Variants in AGMO observed in about 807,000 individuals in gnomAD.
The protein encoded by AGMO is glyceryl-ether monooxygenase.
In AGMO, 75 loss-of-function variants were observed where a neutral mutation model predicts 60.2. The observed-to-expected ratio is 1.25, with a 90% CI of 1.03 to 1.51. AGMO has a LOEUF of 1.51. Ranked by LOEUF, AGMO falls within the 40% of genes most tolerant of loss-of-function variation. AGMO has a pLI of 0.00. For synonymous variants in AGMO, 261 were observed against 177.1 expected (o/e 1.47, Z -3.76); for missense variants, 763 against 525.5 (o/e 1.45, Z -4.42).
intron 12 of AGMO, among the ~76,000 whole-genome samples, chr7:15,211,677 C>T (rs1189478828): frequency 6.6e-6 from 1 of 151,920 alleles, no homozygotes; most frequent in African/African-American, 2.4e-5. Flanking sequence ...GATCCTCCCA[C>T]TCACTATTAC....
At chr7:15,362,540 C>A (rs138625060) in intron 12 of AGMO, among the ~76,000 whole-genome samples, 462 of 152,216 alleles carry the variant, frequency 3.0e-3, no homozygotes, top group Middle Eastern at 6.8e-3. Flanking sequence ...ATTTTTCCAC[C>A]AAACCATGTG....
At chr7:15,124,906 A>G in the AGMO span, among the ~76,000 whole-genome samples, 1 of 152,094 alleles carries the variant, frequency 6.6e-6, no homozygotes, top group African/African-American at 2.4e-5. Flanking sequence ...GCTGCTGCTA[A>G]CTAGAACATA....
At chr7:15,329,095 T>C (rs186724559) in intron 12 of AGMO, among the ~76,000 whole-genome samples, 2 of 152,218 alleles carry the variant, frequency 1.3e-5, no homozygotes, top group African/African-American at 4.8e-5. Context: ...CCTCTCTTTG[T>C]TGTCCCACAT....
intron 12 of AGMO, among the ~76,000 whole-genome samples, chr7:15,354,282 C>A (rs1485263276): frequency 8.7e-6 from 1 of 114,774 alleles, no homozygotes; most frequent in Non-Finnish European, 1.8e-5. Flanking sequence ...ATGTATATCA[C>A]GAATGAGATA....
intron 3 of AGMO, among the ~76,000 whole-genome samples, chr7:15,470,600 G>A (rs1039143708): frequency 6.6e-6 from 1 of 151,814 alleles, no homozygotes; most frequent in African/African-American, 2.4e-5. Context: ...TTATCTAAGT[G>A]GATCTTCTTC....
chr7:15,121,626 A>G, the AGMO span, among the ~76,000 whole-genome samples: 2 of 152,176 alleles, frequency 1.3e-5, no homozygotes, highest in Admixed American at 1.3e-4. Context: ...TAGCCAAGAC[A>G]ATCCTAAGCT....
At chr7:15,154,579 G>T in the AGMO span, among the ~76,000 whole-genome samples, 11 of 152,174 alleles carry the variant, frequency 7.2e-5, no homozygotes, top group Admixed American at 5.9e-4. Context: ...TGTCTTTTAA[G>T]TGGTACATTT....
chr7:15,443,244 G>T (rs1781609639), intron 3 of AGMO, among the ~76,000 whole-genome samples: 1 of 152,124 alleles, frequency 6.6e-6, no homozygotes, highest in East Asian at 1.9e-4. Context: ...AAACTAAAAG[G>T]GCACATGGTA....
intron 2 of AGMO, among the ~76,000 whole-genome samples, chr7:15,557,997 TTC>T (rs5882526): frequency 0.025 from 3,802 of 149,518 alleles, 168 homozygotes; most frequent in African/African-American, 0.088. Context: ...CTTTTTTTCC[TTC>T]TCTCTCTCTC....
chr7:15,441,964 T>G (rs1288843367), intron 3 of AGMO, among the ~76,000 whole-genome samples: 1 of 152,172 alleles, frequency 6.6e-6, no homozygotes, highest in African/African-American at 2.4e-5. Flanking sequence ...AATCAGGACT[T>G]CCTATTGGTC....
chr7:15,177,799 T>A, the AGMO span, among the ~76,000 whole-genome samples: 1 of 152,134 alleles, frequency 6.6e-6, no homozygotes, highest in Non-Finnish European at 1.5e-5. Context: ...CTCCCTTCAA[T>A]AGACACAATT....
At chr7:15,296,389 A>G (rs1158229583) in intron 12 of AGMO, among the ~76,000 whole-genome samples, 2 of 152,182 alleles carry the variant, frequency 1.3e-5, no homozygotes, top group Non-Finnish European at 2.9e-5. Context: ...GTCTAACCAC[A>G]TAGAATTTTT....
rs1044317727 is a variant in AGMO at position 15,210,476 on chromosome 7, C to T, written c.1264-9117G>A. Among the ~76,000 whole-genome samples, 7 of 152,030 alleles carry T rather than the reference C, an allele frequency of 4.6e-5. No individual in the cohort carries two copies. The East Asian group carries it at 9.6e-4, about 21-fold the overall frequency. On this transcript the variant is annotated intron_variant, in intron 12 of 12. Transcript: ENST00000342526. ...ACTTTCTGGATTTGTTATTTGGAAA[C>T]TGAAATTTTAAATAACTCATTCATG...
chr7:15,141,580 C>A, the AGMO span, among the ~76,000 whole-genome samples: 1 of 151,960 alleles, frequency 6.6e-6, no homozygotes, highest in Non-Finnish European at 1.5e-5. Flanking sequence ...AGCTAGAATC[C>A]GCCTCAAAAC....
chr7:15,488,874 T>G lies in AGMO; in HGVS notation c.409+55898A>C, dbSNP rs377652365. ...TAATTTTTACCAACTATTTTCTTTG[T>G]TATGCTAAAATGAACAGAAGAAGAT... is the stretch of plus-strand genomic sequence containing the variant. On this transcript the variant is annotated intron_variant, in intron 3 of 12. Coordinates refer to ENST00000342526, the MANE Select transcript of AGMO (RefSeq NM_001004320.2). Among the ~76,000 whole-genome samples the G allele has an allele frequency of 2.6e-4, 39 of 151,162 alleles. 1 individual carries two copies. Among genetic ancestry groups the G allele is most frequent in the East Asian group, 2.2e-3 (11 of 5,022 alleles).
the AGMO span, among the ~76,000 whole-genome samples, chr7:15,186,934 A>C: frequency 1.8e-3 from 275 of 152,322 alleles, 1 homozygote; most frequent in African/African-American, 6.3e-3. Context: ...GAGAAAGAAT[A>C]CGTTTCTGGA....
At chr7:15,560,065 T>C (rs968234618) in intron 2 of AGMO, 76 bp downstream of exon 2, 4 of 1,301,038 alleles carry the variant, frequency 3.1e-6, no homozygotes, top group African/African-American at 3.0e-5. Flanking sequence ...AATTCTCCCA[T>C]GCATTGGGTT....
chr7:15,275,952 G>C (rs1045480334), intron 12 of AGMO, among the ~76,000 whole-genome samples: 1 of 151,880 alleles, frequency 6.6e-6, no homozygotes, highest in Non-Finnish European at 1.5e-5. Context: ...CTTGCTTGCA[G>C]CAAACGGTTG....
intron 12 of AGMO, among the ~76,000 whole-genome samples, chr7:15,223,374 T>C (rs775824514): frequency 3.9e-5 from 6 of 152,044 alleles, no homozygotes; most frequent in East Asian, 1.9e-4. Context: ...TTGCATTATA[T>C]TGAAATGCTC....
Sources: allele counts gnomAD v4.1 joint callset (sites outside exome capture counted in the v4.1 genomes callset), GRCh38; gene constraint gnomAD v4.1.1; transcripts MANE v1.5; gene names NCBI Gene and HGNC (gene_info 2026-07-23, HGNC 2026-07-21).